The following PYGM variants were observed in gnomAD, a reference collection of about 807,000 sequenced individuals.
PYGM encodes the protein glycogen phosphorylase, muscle form.
PYGM carries 81 observed loss-of-function variants against 99.3 expected under a neutral mutation model. The ratio of observed to expected loss-of-function variants is 0.82; its 90% CI spans 0.68 to 0.98. The LOEUF (loss-of-function observed/expected upper bound fraction) is 0.98, where lower values mean the gene tolerates loss of function less well. Among genes scored for constraint, PYGM ranks in the 50% least tolerant of loss-of-function variants. PYGM has a pLI of 0.00. For missense variants in PYGM, 1,030 were observed against 1,158.1 expected (o/e 0.89, Z 1.61); for synonymous variants, 436 against 451.5 (o/e 0.97, Z 0.44).
Position 64,754,865 on chromosome 11 carries a change from A to T in PYGM, c.856-29T>A. 6.2e-7 allele frequency: 1 copy of T among 1,612,402 alleles called. No individual in the cohort carries two copies. The highest frequency in any genetic ancestry group is 8.5e-7 in the Non-Finnish European group (1 of 1,179,790). On this transcript the variant is annotated intron_variant, in intron 7 of 19. Transcript: ENST00000164139. This position sits in a 1 kb window ranked among gnomAD's most constrained non-coding sequence, Gnocchi z 5.5. The stretch of plus-strand genomic sequence containing the variant: ...GGGACAGCATGAGGCAGCGTGAGTC[A>T]GGGCGGTGGGGGCATGGCCTAAAGC...
At position 64,753,187 on chromosome 11, in the gene PYGM, G is replaced by A; in HGVS notation, c.1404C>T (p.Ile468=). 1 of 1,604,656 alleles carries A rather than the reference G, an allele frequency of 6.2e-7. No homozygotes were observed. Among genetic ancestry groups the A allele is most frequent in the South Asian group, 1.1e-5 (1 of 90,908 alleles). The change falls in exon 12 of 20, where the codon ATC becomes ATT. Residue 468 remains isoleucine, a splice_region_variant and synonymous_variant. Coordinates refer to ENST00000164139, the MANE Select transcript of PYGM (RefSeq NM_005609.4). ...RIHSEILKKT[I]FKDFYELEPH... is the part of the protein sequence containing the mutation. ...GCTCCAGCTCATAGAAGTCTTTGAA[G>A]CTGCAGGATGAGGTTGGACGAGGGT...
chr11:64,749,272 G>A (rs1182563580), intron 17 of PYGM, among the ~76,000 whole-genome samples: 2 of 152,064 alleles, frequency 1.3e-5, no homozygotes, highest in African/African-American at 4.8e-5. Context: ...GCTTGTACCC[G>A]GGCGGTGGAG....
chr11:64,755,572 T>C lies in PYGM; in HGVS notation c.661-14A>G. The C allele has an allele frequency of 6.2e-7, 1 of 1,608,710 alleles. No homozygotes were observed. The highest frequency in any genetic ancestry group is 8.5e-7 in the Non-Finnish European group (1 of 1,175,400). On this transcript the variant is annotated splice_polypyrimidine_tract_variant and intron_variant, in intron 5 of 19. Coordinates refer to ENST00000164139, the MANE Select transcript of PYGM (RefSeq NM_005609.4). The surrounding 1 kb of genome is among the most constrained non-coding windows in gnomAD (Gnocchi z 4.1). ...GGCCAGTACCACCTGCGGGGGGCAA[T>C]CCTGTCAGGAGCTGGCCAGCCCTGG...
Position 64,754,628 on chromosome 11 carries a change from A to G in PYGM, c.999+65T>C. On this transcript the variant is annotated intron_variant, in intron 8 of 19. Coordinates refer to ENST00000164139, the MANE Select transcript of PYGM (RefSeq NM_005609.4). This position sits in a 1 kb window ranked among gnomAD's most constrained non-coding sequence, Gnocchi z 5.5. The stretch of plus-strand genomic sequence containing the variant: ...TCTATTACATGGGGCAGGCAGGCCG[A>G]GGCTGGAGGGAGAGGCCTAGCACAC... 2 of 1,591,394 alleles carry G rather than the reference A, an allele frequency of 1.3e-6. No homozygotes were observed. Among genetic ancestry groups the G allele is most frequent in the South Asian group, 2.2e-5 (2 of 89,160 alleles).
chr11:64,754,107 C>T lies in PYGM; in HGVS notation c.1093-82G>A, dbSNP rs573861421. On this transcript the variant is annotated intron_variant, in intron 9 of 19. Coordinates refer to ENST00000164139, the MANE Select transcript of PYGM (RefSeq NM_005609.4). This position sits in a 1 kb window ranked among gnomAD's most constrained non-coding sequence, Gnocchi z 5.5. ...ACACTACGCATCCCAGTGGGCCCCC[C>T]CACTGCAGTGCCAGGTTCCAGGACG... 7.8e-5 allele frequency: 125 copies of T among 1,603,790 alleles called. 1 individual carries two copies. In the South Asian group the frequency reaches 1.3e-3, roughly 16 times the overall value.
At position 64,754,553 on chromosome 11, in the gene PYGM, G is replaced by T; in HGVS notation, c.999+140C>A. The T allele has an allele frequency of 7.6e-7, 1 of 1,315,814 alleles. No homozygotes were observed. The highest frequency in any genetic ancestry group is 1.1e-6 in the Non-Finnish European group (1 of 952,194). The allele number at this position is 1,315,814 out of a possible 1,614,324, so 81.5% of individuals were successfully genotyped here. ...AGCCCAGGTTCTGAGCCTGTGGATT[G>T]TGAATCCTGAACAACTGACCCTCCC... On this transcript the variant is annotated intron_variant, in intron 8 of 19. Coordinates refer to ENST00000164139, the MANE Select transcript of PYGM (RefSeq NM_005609.4). This position sits in a 1 kb window ranked among gnomAD's most constrained non-coding sequence, Gnocchi z 5.5.
intron 17 of PYGM, chr11:64,748,909 CG>C (rs1233157779): frequency 2.6e-5 from 4 of 151,256 alleles, no homozygotes. Context: ...ATTACCTGGG[CG>C]TGATGGTGGG....
Position 64,746,572 on chromosome 11 carries a change from AGTACCCCACCCTCTGCATGAG to A in PYGM, c.*66_*86del. 1 of 1,561,760 alleles carries A rather than the reference AGTACCCCACCCTCTGCATGAG, an allele frequency of 6.4e-7. No individual in the cohort carries two copies. The highest frequency in any genetic ancestry group is 1.1e-5 in the South Asian group (1 of 90,154). On this transcript the variant is annotated 3_prime_UTR_variant, in exon 20 of 20. Transcript: ENST00000164139. ...AGGAGGGGCTTAGAGATCTAACTCC[AGTACCCCACCCTCTGCATGAG>A]GTGCTGGGGCTGGCCCAAGAGAGTG... is the stretch of plus-strand genomic sequence containing the variant.
At position 64,759,608 on chromosome 11, in the gene PYGM, T is replaced by C. The variant is rs477549; in HGVS notation, c.243+48A>G. ...ACTTAAGTCAAGATCGCCAGCTCCCTGGCAGCGCCTTCAGCCCATACCCCC... is the reference window on the plus strand; with the variant it reads ...ACTTAAGTCAAGATCGCCAGCTCCCCGGCAGCGCCTTCAGCCCATACCCCC... On this transcript the variant is annotated intron_variant, in intron 1 of 19. Coordinates refer to ENST00000164139, the MANE Select transcript of PYGM (RefSeq NM_005609.4). The C allele has an allele frequency of 0.13, 213,488 of 1,607,264 alleles. 20,527 individuals carry two copies. Among genetic ancestry groups the C allele is most frequent in the East Asian group, 0.4 (18,041 of 44,794 alleles).
In PYGM at chr11:64,753,698, C is replaced by T. The variant is rs573898801; in HGVS notation, c.1240-16G>A. 4.9e-5 allele frequency: 78 copies of T among 1,603,058 alleles called. No individual in the cohort carries two copies. The Admixed American group carries it at 1.3e-3, about 27-fold the overall frequency. The stretch of plus-strand genomic sequence containing the variant: ...CCGCCACCCGCTGTGCCCAGAGAGC[C>T]CAGAGCTAGAACCAGACCCAGGAAC... On this transcript the variant is annotated splice_polypyrimidine_tract_variant and intron_variant, in intron 10 of 19. Transcript: ENST00000164139.
upstream of PYGM, chr11:64,760,165 G>C (rs1334906191): frequency 5.8e-6 from 3 of 513,790 alleles, no homozygotes; most frequent in Non-Finnish European, 1.1e-5. Flanking sequence ...ACAGGCCTGT[G>C]CTGACCCACT....
chr11:64,751,576 G>C (rs370027237), intron 15 of PYGM, 21 bp downstream of exon 15: 3 of 1,614,062 alleles, frequency 1.9e-6, no homozygotes, highest in Non-Finnish European at 2.5e-6. Context: ...GGGAGCCCAG[G>C]GCTGGAGCCT....
At position 64,750,286 on chromosome 11, in the gene PYGM, C is replaced by A. The variant is rs938835334; in HGVS notation, c.2177+90G>T. On this transcript the variant is annotated intron_variant, in intron 17 of 19. Transcript: ENST00000164139. ...GACCAAGACCTTGCTGGGCCTGGACCAGTCTTTCCAGACGTGCCGCTTGCT... is the reference window on the plus strand; with the variant it reads ...GACCAAGACCTTGCTGGGCCTGGACAAGTCTTTCCAGACGTGCCGCTTGCT... 6.3e-6 allele frequency: 9 copies of A among 1,427,086 alleles called. No individual in the cohort carries two copies. The African/African-American group carries it at 1.3e-4, about 20-fold the overall frequency. 88.4% of individuals were successfully genotyped at this position (1,427,086 alleles called of 1,614,324 possible). A position where few individuals can be genotyped will look rare whatever the true frequency, so the allele number is the denominator to read the frequency against.
chr11:64,747,281 GAGA>G lies in PYGM; in HGVS notation c.2252_2254del (p.Phe751del), dbSNP rs758842259. On this transcript the variant is annotated inframe_deletion, in exon 18 of 20. Transcript: ENST00000164139. Reference sequence around the variant, plus strand: ...CTTGAACAGGTCGGGCTGTTTGGGGGAGAAGAAGCCACTGCTCAGCTGCTCAAT... The same window carrying G: ...CTTGAACAGGTCGGGCTGTTTGGGGGAGAAGCCACTGCTCAGCTGCTCAAT... The G allele has an allele frequency of 1.2e-6, 2 of 1,614,198 alleles. No individual in the cohort carries two copies. The highest frequency in any genetic ancestry group is 1.6e-4 in the Middle Eastern group (1 of 6,062).
At chr11:64,749,457 A>G (rs1020794349) in intron 17 of PYGM, among the ~76,000 whole-genome samples, 5 of 152,048 alleles carry the variant, frequency 3.3e-5, no homozygotes, top group Admixed American at 1.3e-4. Context: ...CCTGGCTAAC[A>G]TGGTGAAACC....
rs550846784 is a variant in PYGM, at chr11:64,758,225, G to A, written c.528+21C>T. 6.2e-5 allele frequency: 99 copies of A among 1,591,866 alleles called. No individual in the cohort carries two copies. In the East Asian group the frequency reaches 1.9e-3, roughly 31 times the overall value. ...TCCCCATCCTGACTAGACCCCACAA[G>A]TTAGAGCCAAGGCTGCTCACCTGCC... On this transcript the variant is annotated intron_variant, in intron 4 of 19. Transcript: ENST00000164139.
At position 64,754,381 on chromosome 11, in the gene PYGM, C is replaced by T; in HGVS notation, c.1000-36G>A. On this transcript the variant is annotated intron_variant, in intron 8 of 19. Coordinates refer to ENST00000164139, the MANE Select transcript of PYGM (RefSeq NM_005609.4). The surrounding 1 kb of genome is among the most constrained non-coding windows in gnomAD (Gnocchi z 5.5). ...GGGAGGGGTCAGTCTGGGCTCCAAA[C>T]CACATTCCATGCTATGGTCACTGCC... 6.6e-7 allele frequency: 1 copy of T among 1,514,522 alleles called. No individual in the cohort carries two copies. The highest frequency in any genetic ancestry group is 9.2e-7 in the Non-Finnish European group (1 of 1,090,518). The allele number at this position is 1,514,522 out of a possible 1,614,324, so 93.8% of individuals were successfully genotyped here.
Position 64,754,849 on chromosome 11 carries a change from T to G in PYGM, c.856-13A>C. On this transcript the variant is annotated splice_polypyrimidine_tract_variant and intron_variant, in intron 7 of 19. Coordinates refer to ENST00000164139, the MANE Select transcript of PYGM (RefSeq NM_005609.4). The surrounding 1 kb of genome is among the most constrained non-coding windows in gnomAD (Gnocchi z 5.5). ...TCCCTTCGAAGAACTGGGGACAGCA[T>G]GAGGCAGCGTGAGTCAGGGCGGTGG... 6.2e-7 allele frequency: 1 copy of G among 1,613,288 alleles called. No homozygotes were observed. The highest frequency in any genetic ancestry group is 1.1e-5 in the South Asian group (1 of 91,042).
At position 64,753,943 on chromosome 11, in the gene PYGM, A is replaced by G. The variant is rs759336535; in HGVS notation, c.1175T>C (p.Leu392Pro). Reference sequence around the variant, plus strand: ...GTGCCGCGGCAGCAGCGTCTCCAAGAGGTGCACCGGCCAGCGCTCCAGGGC... The same window carrying G: ...GTGCCGCGGCAGCAGCGTCTCCAAGGGGTGCACCGGCCAGCGCTCCAGGGC... ...PEALERWPVHLLETLLPRHLQ... is the reference protein window; with the variant it reads ...PEALERWPVHPLETLLPRHLQ... Residue 392 changes from leucine (L) to proline (P), a missense_variant, in exon 10 of 20, where the codon CTC (leucine) becomes CCC (proline). Coordinates refer to ENST00000164139, the MANE Select transcript of PYGM (RefSeq NM_005609.4). The G allele has an allele frequency of 9.4e-6, 15 of 1,601,416 alleles. No homozygotes were observed. The highest frequency in any genetic ancestry group is 2.6e-6 in the Non-Finnish European group (3 of 1,173,882).
Sources: allele counts gnomAD v4.1 joint callset (sites outside exome capture counted in the v4.1 genomes callset), GRCh38; gene constraint gnomAD v4.1.1; non-coding constraint Gnocchi (gnomAD v3.1); transcripts MANE v1.5; gene names NCBI Gene and HGNC (gene_info 2026-07-23, HGNC 2026-07-21).